ADAM2: variants seen among roughly 807,000 people sequenced by gnomAD.
ADAM2 encodes disintegrin and metalloproteinase domain-containing protein 2.
ADAM2 carries 101 observed loss-of-function variants against 99.3 expected under a neutral mutation model. The ratio of observed to expected loss-of-function variants is 1.02; its 90% CI spans 0.87 to 1.20. The LOEUF (loss-of-function observed/expected upper bound fraction) is 1.20. Among genes scored for constraint, ADAM2 ranks in the 50% most tolerant of loss-of-function variants. The pLI, the probability that ADAM2 is intolerant of heterozygous loss-of-function variation, is 0.00. For synonymous variants in ADAM2, 323 were observed against 287.6 expected, an observed-to-expected ratio of 1.12 and a Z score of -1.25; for missense variants, 948 against 878.7, an observed-to-expected ratio of 1.08 and a Z score of -1.00.
In ADAM2 at chr8:39,743,772, C is replaced by T. The variant is rs984901860; in HGVS notation, c.*323G>A. On this transcript the variant is annotated 3_prime_UTR_variant, in exon 21 of 21. Coordinates refer to ENST00000265708, the MANE Select transcript of ADAM2 (RefSeq NM_001464.5). ...CAGTGGCTTTTAATCATAGTACCAC[C>T]TCATTACATTATGATATTTCCTTAT... 3.3e-5 allele frequency: 5 copies of T among 152,076 alleles called. No homozygotes were observed. The highest frequency in any genetic ancestry group is 4.8e-5 in the African/African-American group (2 of 41,406). 9.4% of individuals were successfully genotyped at this position (152,076 alleles called of 1,614,324 possible).
chr8:39,754,337 C>T (rs1243105164), intron 16 of ADAM2, among the ~76,000 whole-genome samples: 2 of 152,100 alleles, frequency 1.3e-5, no homozygotes, highest in Non-Finnish European at 2.9e-5. Context: ...GACATAATGG[C>T]ACCCAATAAC....
chr8:39,753,976 T>C (rs532946037), intron 16 of ADAM2, among the ~76,000 whole-genome samples: 1 of 152,372 alleles, frequency 6.6e-6, no homozygotes, highest in African/African-American at 2.4e-5. Context: ...ATTATCTTAA[T>C]GTTGGGGTCA....
At chr8:39,804,786 T>C (rs1385425118) in intron 7 of ADAM2, among the ~76,000 whole-genome samples, 1 of 152,222 alleles carries the variant, frequency 6.6e-6, no homozygotes, top group East Asian at 1.9e-4. Flanking sequence ...CTTCATATTT[T>C]TGGCTTCTGA....
At chr8:39,781,456 CTT>C (rs1803229321) in intron 10 of ADAM2, among the ~76,000 whole-genome samples, 1 of 152,128 alleles carries the variant, frequency 6.6e-6, no homozygotes, top group South Asian at 2.1e-4. Context: ...TTTACTTGCA[CTT>C]TAGCTTCATA....
intron 20 of ADAM2, 127 bp downstream of exon 20, chr8:39,744,703 A>T (rs1420591640): frequency 1.1e-5 from 6 of 558,962 alleles, no homozygotes; most frequent in Non-Finnish European, 1.5e-5. Flanking sequence ...TAAAACCTAG[A>T]TGACGGGTTG....
At chr8:39,805,117 G>A (rs974859532) in intron 7 of ADAM2, among the ~76,000 whole-genome samples, 2 of 152,144 alleles carry the variant, frequency 1.3e-5, no homozygotes, top group Non-Finnish European at 2.9e-5. Flanking sequence ...TAGACTGAAA[G>A]GGGCAAACAA....
chr8:39,823,278 T>C (rs1805272592), intron 4 of ADAM2, among the ~76,000 whole-genome samples: 1 of 152,200 alleles, frequency 6.6e-6, no homozygotes, highest in African/African-American at 2.4e-5. Context: ...GATAAGTCTT[T>C]ATTTATCAAG....
At chr8:39,811,553 G>A (rs919589663) in intron 6 of ADAM2, among the ~76,000 whole-genome samples, 2 of 152,118 alleles carry the variant, frequency 1.3e-5, no homozygotes, top group African/African-American at 4.8e-5. Context: ...ACCGAATCCA[G>A]CAGCACATCA....
intron 7 of ADAM2, among the ~76,000 whole-genome samples, chr8:39,801,581 T>G (rs144392732): frequency 1.3e-5 from 2 of 152,282 alleles, no homozygotes; most frequent in African/African-American, 4.8e-5. Flanking sequence ...AACCCATTCA[T>G]CTGGGCTGCT....
chr8:39,805,782 G>C (rs1386204481), intron 7 of ADAM2, among the ~76,000 whole-genome samples: 1 of 152,146 alleles, frequency 6.6e-6, no homozygotes, highest in East Asian at 1.9e-4. Flanking sequence ...AAAAACAATA[G>C]TTATCTGTGG....
chr8:39,815,962 T>C (rs1264777974), intron 6 of ADAM2, among the ~76,000 whole-genome samples: 1 of 151,840 alleles, frequency 6.6e-6, no homozygotes, highest in Non-Finnish European at 1.5e-5. Flanking sequence ...CATAATAGGA[T>C]GGCTATAATC....
intron 15 of ADAM2, among the ~76,000 whole-genome samples, chr8:39,756,930 C>T (rs1321124055): frequency 1.3e-5 from 2 of 152,168 alleles, no homozygotes; most frequent in African/African-American, 2.4e-5. Flanking sequence ...CAAACATTGT[C>T]CAAGCCACAG....
intron 7 of ADAM2, among the ~76,000 whole-genome samples, chr8:39,791,188 A>C (rs1327621170): frequency 1.3e-5 from 2 of 152,048 alleles, no homozygotes; most frequent in Non-Finnish European, 2.9e-5. Flanking sequence ...GATAATAGCC[A>C]AGCCAGCCAG....
intron 16 of ADAM2, 30 bp downstream of exon 16, chr8:39,755,698 G>C: frequency 6.5e-7 from 1 of 1,549,026 alleles, no homozygotes; most frequent in Non-Finnish European, 8.9e-7. Flanking sequence ...AAAATATTAG[G>C]AAATTATTTG....
intron 3 of ADAM2, among the ~76,000 whole-genome samples, chr8:39,825,641 A>G (rs1019235299): frequency 2.0e-5 from 3 of 152,092 alleles, no homozygotes; most frequent in African/African-American, 7.2e-5. Context: ...AAGACTAACA[A>G]AAGCCCAGAT....
intron 14 of ADAM2, among the ~76,000 whole-genome samples, chr8:39,765,954 A>G (rs1404232021): frequency 6.6e-6 from 1 of 152,184 alleles, no homozygotes; most frequent in Non-Finnish European, 1.5e-5. Context: ...TTTTTTCGAT[A>G]TGGGGATGAA....
At chr8:39,819,513 G>A (rs1255910258) in intron 6 of ADAM2, among the ~76,000 whole-genome samples, 1 of 152,068 alleles carries the variant, frequency 6.6e-6, no homozygotes, top group East Asian at 1.9e-4. Context: ...CATTAGCCTG[G>A]ATGCCTCTGT....
At chr8:39,751,968 G>GCCTCTCA (rs1488194215) in intron 16 of ADAM2, among the ~76,000 whole-genome samples, 4 of 152,126 alleles carry the variant, frequency 2.6e-5, no homozygotes, top group Non-Finnish European at 5.9e-5. Flanking sequence ...AAGTAACTGG[G>GCCTCTCA]ATTACAGGCT....
chr8:39,770,617 C>T (rs886253652), intron 11 of ADAM2, among the ~76,000 whole-genome samples: 4 of 152,146 alleles, frequency 2.6e-5, no homozygotes, highest in Admixed American at 6.5e-5. Flanking sequence ...TTAGTTTCCT[C>T]CTTGCAATAT....
Sources: allele counts gnomAD v4.1 joint callset (sites outside exome capture counted in the v4.1 genomes callset), GRCh38; gene constraint gnomAD v4.1.1; transcripts MANE v1.5; gene names NCBI Gene and HGNC (gene_info 2026-07-23, HGNC 2026-07-21).